PRTG: variants seen among roughly 807,000 people sequenced by gnomAD.
The protein encoded by PRTG is immunoglobulin superfamily, DCC subclass, member 5.
A neutral mutation model predicts 122.5 loss-of-function variants in PRTG; 67 were observed. The ratio of observed to expected loss-of-function variants is 0.55; its 90% CI spans 0.45 to 0.67. The LOEUF is 0.67. Among genes scored for constraint, PRTG ranks in the 30% least tolerant of loss-of-function variants. The pLI is 0.00. For synonymous variants in PRTG, 554 were observed against 501.1 expected, an observed-to-expected ratio of 1.11 and a Z score of -1.41; for missense variants, 1,435 against 1,415.4, an observed-to-expected ratio of 1.01 and a Z score of -0.22.
At chr15:55,679,145 T>C in intron 7 of PRTG, 141 bp downstream of exon 7, 1 of 578,976 alleles carries the variant, frequency 1.7e-6, no homozygotes, top group African/African-American at 1.9e-5. Flanking sequence ...ATGTTATAAG[T>C]CTTAATTTCT....
intron 16 of PRTG, among the ~76,000 whole-genome samples, chr15:55,628,504 T>C (rs987579734): frequency 6.6e-6 from 1 of 152,158 alleles, no homozygotes; most frequent in African/African-American, 2.4e-5. Context: ...TGTTTATTTC[T>C]GTGAAACCTC....
Position 55,615,714 on chromosome 15 carries a change from T to C in PRTG, c.*4298A>G, listed in dbSNP as rs2059139040. 1 of 152,048 alleles carries C rather than the reference T, an allele frequency of 6.6e-6. No individual in the cohort carries two copies. Among genetic ancestry groups the C allele is most frequent in the South Asian group, 2.1e-4 (1 of 4,808 alleles). 9.4% of individuals were successfully genotyped at this position (152,048 alleles called of 1,614,324 possible). On this transcript the variant is annotated 3_prime_UTR_variant, in exon 20 of 20. Transcript: ENST00000389286. The stretch of plus-strand genomic sequence containing the variant: ...TGCAGTCTTAGTGACTGTTTCAATA[T>C]AACTGGAGTTTTTTTTTTACATTCA...
chr15:55,653,078 ATAAATT>A (rs2059361564), intron 11 of PRTG, among the ~76,000 whole-genome samples: 1 of 152,244 alleles, frequency 6.6e-6, no homozygotes, highest in Admixed American at 6.5e-5. Flanking sequence ...TGTTTGCATT[ATAAATT>A]TAAAGGAATT....
chr15:55,682,300 GAGA>G (rs1302698990), intron 4 of PRTG, 61 bp downstream of exon 4: 35 of 1,319,264 alleles, frequency 2.7e-5, no homozygotes, highest in African/African-American at 4.5e-5. Flanking sequence ...TACAGCAGAG[GAGA>G]AGAAGTAACA....
chr15:55,695,113 T>C (rs1191546175), intron 2 of PRTG, among the ~76,000 whole-genome samples: 1 of 152,174 alleles, frequency 6.6e-6, no homozygotes. Context: ...TTTGCTTCTA[T>C]GATTTATAGT....
Position 55,612,737 on chromosome 15 carries a change from T to TATATATATATATATATAC in PRTG, c.*7274_*7275insGTATATATATATATATAT, listed in dbSNP as rs1567067860. On this transcript the variant is annotated 3_prime_UTR_variant, in exon 20 of 20. Transcript: ENST00000389286. ...ATATATATATATATATATATATATATATATATATATATGACTTAAATTGGA... is the reference window on the plus strand; with the variant it reads ...ATATATATATATATATATATATATATATATATATATATATATACATATATATATATGACTTAAATTGGA... 2.9e-4 allele frequency: 16 copies of TATATATATATATATATAC among 54,324 alleles called. No individual in the cohort carries two copies. The highest frequency in any genetic ancestry group is 7.4e-4 in the African/African-American group (16 of 21,678). 3.4% of individuals were successfully genotyped at this position (54,324 alleles called of 1,614,324 possible). A position where few individuals can be genotyped will look rare whatever the true frequency, so the allele number is the denominator to read the frequency against.
chr15:55,707,480 C>T (rs2030177471), intron 2 of PRTG, among the ~76,000 whole-genome samples: 1 of 152,174 alleles, frequency 6.6e-6, no homozygotes, highest in Non-Finnish European at 1.5e-5. Flanking sequence ...TAGCTGCACA[C>T]AAACTATTTA....
chr15:55,737,980 C>T (rs373538695), intron 2 of PRTG, among the ~76,000 whole-genome samples: 1,523 of 56,042 alleles, frequency 0.027, 13 homozygotes, highest in Non-Finnish European at 0.042. Context: ...TGCCTATTCT[C>T]TCTCTCTCTC....
At chr15:55,727,979 C>G (rs80210426) in intron 2 of PRTG, among the ~76,000 whole-genome samples, 3,005 of 152,212 alleles carry the variant, frequency 0.02, 110 homozygotes, top group African/African-American at 0.067. Context: ...ATCCTCATGT[C>G]TCAGCCTCCT....
chr15:55,722,343 T>A (rs768155772), intron 2 of PRTG, among the ~76,000 whole-genome samples: 11 of 152,236 alleles, frequency 7.2e-5, no homozygotes, highest in Admixed American at 2.6e-4. Flanking sequence ...CTATATTTTA[T>A]TAGTCATGTC....
rs769469226 is a variant in PRTG, at chr15:55,723,752, C to CTTTTTTTT, written c.397+16622_397+16629dup. The stretch of plus-strand genomic sequence containing the variant: ...TAATAGCCATATTCTTTTCTTTTTT[C>CTTTTTTTT]TTTTTTTTTTTTTTTTTGAGTTGGA... On this transcript the variant is annotated intron_variant, in intron 2 of 19. Transcript: ENST00000389286. Among the ~76,000 whole-genome samples the CTTTTTTTT allele has an allele frequency of 1.7e-3, 214 of 126,880 alleles. 1 individual carries two copies. The highest frequency in any genetic ancestry group is 4.5e-3 in the Middle Eastern group (1 of 224). The allele number at this position is 126,880 out of a possible 152,430, so 83.2% of individuals were successfully genotyped here. A position where few individuals can be genotyped will look rare whatever the true frequency, so the allele number is the denominator to read the frequency against.
At chr15:55,733,773 G>A (rs1368016222) in intron 2 of PRTG, among the ~76,000 whole-genome samples, 6 of 151,934 alleles carry the variant, frequency 3.9e-5, no homozygotes, top group African/African-American at 7.3e-5. Flanking sequence ...GCTGCAGGAC[G>A]CCGTGACTGC....
chr15:55,715,250 A>T (rs1461438475), intron 2 of PRTG, among the ~76,000 whole-genome samples: 3 of 152,214 alleles, frequency 2.0e-5, no homozygotes, highest in Admixed American at 6.5e-5. Context: ...AGTTTCCACC[A>T]TATCTATGAC....
rs143548115 is a variant in PRTG at position 55,682,430 on chromosome 15, G to A, written c.610C>T (p.Arg204Cys). 24 of 1,605,042 alleles carry A rather than the reference G, an allele frequency of 1.5e-5. 1 individual carries two copies. The highest frequency in any genetic ancestry group is 6.7e-5 in the South Asian group (6 of 90,110). ...DVSQRDSGNY[R>C]CIAATVAHRR... ...TGGGCTACAGTGGCAGCAATACAAC[G>A]ATAATTTCCAGAATCCCTTTGGCTG... Residue 204 changes from arginine to cysteine, a missense_variant, in exon 4 of 20, where the codon CGT becomes TGT. Physicochemically the swap from Arg to Cys is radical, Grantham distance 180 (BLOSUM62 -3). Transcript: ENST00000389286.
chr15:55,735,985 T>G (rs2031399776), intron 2 of PRTG, among the ~76,000 whole-genome samples: 1 of 152,242 alleles, frequency 6.6e-6, no homozygotes, highest in Non-Finnish European at 1.5e-5. Flanking sequence ...GAGCCAATTT[T>G]AAGTTAAACA....
Position 55,708,271 on chromosome 15 carries a change from G to A in PRTG, c.398-24340C>T, listed in dbSNP as rs139195504. ...AACATCACAAGAAGAAATGAAGCAA[G>A]TGAAAACAAACAAGACAACAGATCA... On this transcript the variant is annotated intron_variant, in intron 2 of 19. Transcript: ENST00000389286. Among the ~76,000 whole-genome samples, 1,068 of 151,414 alleles carry A rather than the reference G, an allele frequency of 7.1e-3. 7 individuals are homozygous for A. The highest frequency in any genetic ancestry group is 0.011 in the Non-Finnish European group (735 of 67,884).
intron 2 of PRTG, among the ~76,000 whole-genome samples, chr15:55,738,000 CTCTATATATA>C (rs1198247474): frequency 1.5e-4 from 10 of 66,942 alleles, no homozygotes; most frequent in South Asian, 4.0e-4. Context: ...CTCTCTCTCT[CTCTATATATA>C]TATATATATA....
At chr15:55,677,168 A>T (rs948921546) in intron 8 of PRTG, among the ~76,000 whole-genome samples, 24 of 152,270 alleles carry the variant, frequency 1.6e-4, no homozygotes, top group African/African-American at 5.3e-4. Context: ...AATATAAGAA[A>T]AATTTTTAAA....
intron 11 of PRTG, among the ~76,000 whole-genome samples, chr15:55,646,479 C>G (rs537303381): frequency 6.6e-6 from 1 of 151,890 alleles, no homozygotes; most frequent in Non-Finnish European, 1.5e-5. Context: ...CCCGCCACCA[C>G]GCCCGGCCAA....
Sources: gnomAD v4.1 joint callset for allele counts (sites outside exome capture counted in the v4.1 genomes callset) on GRCh38, gnomAD v4.1.1 for gene constraint, MANE v1.5 for transcripts, NCBI Gene and HGNC (gene_info 2026-07-23, HGNC 2026-07-21) for gene names.